HS6ST3: variants seen among roughly 807,000 people sequenced by gnomAD.
HS6ST3 encodes heparan sulfate 6-O-sulfotransferase 3.
HS6ST3 carries 12 observed loss-of-function variants against 36.7 expected under a neutral mutation model. The observed-to-expected ratio is 0.33, with a 90% confidence interval of 0.21 to 0.53. HS6ST3 has a LOEUF of 0.53. HS6ST3 is among the 20% of genes least tolerant of loss of function. The pLI is 0.95. For synonymous variants in HS6ST3, 240 were observed against 257.5 expected (o/e 0.93, Z 0.65); for missense variants, 584 against 640.9 (o/e 0.91, Z 0.96).
intron 1 of HS6ST3, among the ~76,000 whole-genome samples, chr13:96,236,936 T>G (rs2054537293): frequency 6.6e-6 from 1 of 152,210 alleles, no homozygotes; most frequent in South Asian, 2.1e-4. Flanking sequence ...GAGGTTTAAT[T>G]GACTCACAGT....
At chr13:96,596,193 T>A (rs1257287540) in intron 1 of HS6ST3, among the ~76,000 whole-genome samples, 1 of 152,180 alleles carries the variant, frequency 6.6e-6, no homozygotes, top group African/African-American at 2.4e-5. Context: ...TAAGAACATA[T>A]GGTATTTGGA....
At position 96,832,635 on chromosome 13, in the gene HS6ST3, T is replaced by C. The variant is rs1878831566; in HGVS notation, c.853T>C (p.Tyr285His). The C allele has an allele frequency of 1.2e-6, 2 of 1,614,174 alleles. No individual in the cohort carries two copies. The highest frequency in any genetic ancestry group is 1.3e-5 in the African/African-American group (1 of 75,060). ...CACCCCAGATGAGCTGCCTACCTGC[T>C]ACCCTGGGGATGACTGGTCTGGGGT... is the stretch of plus-strand genomic sequence containing the variant. ...SPTPDELPTC[Y>H]PGDDWSGVSL... Residue 285 changes from tyrosine to histidine, a missense_variant, in exon 2 of 2, where the codon TAC (tyrosine) becomes CAC (histidine). This residue lies in a region of HS6ST3 where 360 missense variants were observed against 411.3 expected (regional missense o/e 0.88). Transcript: ENST00000376705.
At chr13:96,559,305 G>A (rs998985173) in intron 1 of HS6ST3, among the ~76,000 whole-genome samples, 11 of 152,046 alleles carry the variant, frequency 7.2e-5, no homozygotes, top group Admixed American at 5.9e-4. Context: ...TTTTAATAGA[G>A]ATGAGGTTTC....
chr13:96,110,380 T>C (rs2053862176), intron 1 of HS6ST3, among the ~76,000 whole-genome samples: 1 of 149,104 alleles, frequency 6.7e-6, no homozygotes, highest in Admixed American at 6.7e-5. Context: ...AACACCCCCC[T>C]CCAGGCCTCA....
chr13:96,764,054 T>A (rs1378483111), intron 1 of HS6ST3, among the ~76,000 whole-genome samples: 1 of 152,188 alleles, frequency 6.6e-6, no homozygotes, highest in Non-Finnish European at 1.5e-5. Context: ...TTAAAATGGT[T>A]CATAGTGTTC....
intron 1 of HS6ST3, among the ~76,000 whole-genome samples, chr13:96,750,643 A>G (rs1876678324): frequency 6.6e-6 from 1 of 152,144 alleles, no homozygotes; most frequent in Non-Finnish European, 1.5e-5. Context: ...AGGTCCTTAG[A>G]CTCATATATA....
intron 1 of HS6ST3, among the ~76,000 whole-genome samples, chr13:96,365,068 C>G (rs992260423): frequency 6.6e-6 from 1 of 152,140 alleles, no homozygotes; most frequent in Non-Finnish European, 1.5e-5. Flanking sequence ...TAGATTCTTC[C>G]TTTCCCTCCA....
chr13:96,425,541 T>A (rs1337757184), intron 1 of HS6ST3, among the ~76,000 whole-genome samples: 1 of 152,160 alleles, frequency 6.6e-6, no homozygotes, highest in African/African-American at 2.4e-5. Context: ...CCTTTCTTAT[T>A]TGTAAAAAAA....
intron 1 of HS6ST3, among the ~76,000 whole-genome samples, chr13:96,530,502 T>TC (rs1320829906): frequency 6.6e-6 from 1 of 150,428 alleles, no homozygotes; most frequent in Non-Finnish European, 1.5e-5. Flanking sequence ...CTTTTTTCTT[T>TC]CCCTTTTTTT....
chr13:96,204,024 A>T (rs9556529), intron 1 of HS6ST3, among the ~76,000 whole-genome samples: 1 of 152,192 alleles, frequency 6.6e-6, no homozygotes, highest in African/African-American at 2.4e-5. Flanking sequence ...ATATGTTTTC[A>T]TACATTCATA....
At chr13:96,799,044 C>T (rs574715931) in intron 1 of HS6ST3, among the ~76,000 whole-genome samples, 3 of 152,056 alleles carry the variant, frequency 2.0e-5, no homozygotes, top group Non-Finnish European at 2.9e-5. Context: ...TTAGCTTAAT[C>T]GCTTCTTTAA....
intron 1 of HS6ST3, among the ~76,000 whole-genome samples, chr13:96,596,731 G>A (rs535311911): frequency 2.0e-5 from 3 of 152,282 alleles, no homozygotes; most frequent in Non-Finnish European, 2.9e-5. Flanking sequence ...TATACTGTTG[G>A]TTGGAATGTA....
intron 1 of HS6ST3, among the ~76,000 whole-genome samples, chr13:96,279,985 C>T (rs1927784): frequency 0.054 from 8,181 of 152,154 alleles, 429 homozygotes; most frequent in African/African-American, 0.14. Flanking sequence ...CTCCCTAAAG[C>T]GTTTGAATTT....
chr13:96,428,033 A>G (rs921476100), intron 1 of HS6ST3, among the ~76,000 whole-genome samples: 2 of 152,072 alleles, frequency 1.3e-5, no homozygotes, highest in Non-Finnish European at 2.9e-5. Context: ...TCTTTACATA[A>G]TTAATAATAG....
rs147337218 is a variant in HS6ST3 at position 96,183,910 on chromosome 13, C to T, written c.707+92341C>T. ...ACACTGAATTTTTTACACTTAGAAA[C>T]GGTTAAGATGGGCCAGGCATGGTGG... On this transcript the variant is annotated intron_variant, in intron 1 of 1. Coordinates refer to ENST00000376705, the MANE Select transcript of HS6ST3 (RefSeq NM_153456.4). Among the ~76,000 whole-genome samples, 121 of 152,034 alleles carry T rather than the reference C, an allele frequency of 8.0e-4. 1 individual carries two copies. The highest frequency in any genetic ancestry group is 2.5e-3 in the East Asian group (13 of 5,168).
At chr13:96,167,524 A>G (rs1156819898) in intron 1 of HS6ST3, among the ~76,000 whole-genome samples, 3 of 152,198 alleles carry the variant, frequency 2.0e-5, no homozygotes, top group African/African-American at 7.2e-5. Flanking sequence ...TAAGTCAAAC[A>G]GGGCTGCAAG....
At chr13:96,296,961 C>T (rs2054857827) in intron 1 of HS6ST3, among the ~76,000 whole-genome samples, 2 of 152,062 alleles carry the variant, frequency 1.3e-5, no homozygotes, top group Admixed American at 1.3e-4. Context: ...TTTGTCTCCT[C>T]TCTGGTCTAT....
intron 1 of HS6ST3, among the ~76,000 whole-genome samples, chr13:96,309,349 T>C (rs1482088992): frequency 6.6e-6 from 1 of 152,132 alleles, no homozygotes; most frequent in African/African-American, 2.4e-5. Flanking sequence ...TCAATGATGA[T>C]AAAAATGACT....
intron 1 of HS6ST3, among the ~76,000 whole-genome samples, chr13:96,107,928 A>C (rs777207087): frequency 1.3e-4 from 20 of 152,128 alleles, no homozygotes; most frequent in Middle Eastern, 3.2e-3. Context: ...TGATGATTGC[A>C]TTAACTGCAC....
Sources: allele counts gnomAD v4.1 joint callset (sites outside exome capture counted in the v4.1 genomes callset), GRCh38; gene constraint gnomAD v4.1.1; regional missense constraint gnomAD v4.1.1; transcripts MANE v1.5; gene names NCBI Gene and HGNC (gene_info 2026-07-23, HGNC 2026-07-21).